ULK4: variants seen among roughly 807,000 people sequenced by gnomAD.
ULK4 encodes the protein inactive serine/threonine-protein kinase ULK4.
ULK4 carries 133 observed loss-of-function variants against 160.6 expected under a neutral mutation model. The observed-to-expected ratio is 0.83, with a 90% confidence interval of 0.72 to 0.96. ULK4 has a LOEUF of 0.96. Among genes scored for constraint, ULK4 ranks in the 40% least tolerant of loss-of-function variants. ULK4 has a pLI of 0.00. For missense variants in ULK4, 1,580 were observed against 1,499.5 expected, an observed-to-expected ratio of 1.05 and a Z score of -0.89; for synonymous variants, 534 against 539.8, an observed-to-expected ratio of 0.99 and a Z score of 0.15.
At position 41,681,753 on chromosome 3, in the gene ULK4, C is replaced by T. The variant is rs147732245; in HGVS notation, c.2833G>A (p.Val945Met). 2 of 1,614,018 alleles carry T rather than the reference C, an allele frequency of 1.2e-6. No individual in the cohort carries two copies. The highest frequency in any genetic ancestry group is 4.5e-5 in the East Asian group (2 of 44,876). ...PLVSLVQSQNVEWRLFSLRLL... is the reference protein window; with the variant it reads ...PLVSLVQSQNMEWRLFSLRLL... ...TTCTTGCTGGTGTCATCACACTTAC[C>T]ATTTTGGCTTTGAACCAAGGACACC... The change falls in exon 28 of 37, where the codon GTG becomes ATG. Residue 945 changes from valine to methionine, a missense_variant and splice_region_variant. Transcript: ENST00000301831.
intron 35 of ULK4, among the ~76,000 whole-genome samples, chr3:41,336,290 C>A (rs1263579944): frequency 6.6e-6 from 1 of 152,222 alleles, no homozygotes; most frequent in East Asian, 1.9e-4. Context: ...GGGAAAATAA[C>A]ATGCAGCAAA....
intron 34 of ULK4, among the ~76,000 whole-genome samples, chr3:41,424,535 C>T (rs1218719878): frequency 6.6e-6 from 1 of 152,100 alleles, no homozygotes; most frequent in African/African-American, 2.4e-5. Context: ...TAGGTTGGTG[C>T]ACCTCTGGGA....
intron 34 of ULK4, among the ~76,000 whole-genome samples, chr3:41,400,690 A>G (rs1461211133): frequency 6.6e-6 from 1 of 152,190 alleles, no homozygotes; most frequent in South Asian, 2.1e-4. Context: ...TAAATGCCCA[A>G]GAGTACAATG....
intron 35 of ULK4, among the ~76,000 whole-genome samples, chr3:41,375,253 T>G (rs1178350630): frequency 3.3e-5 from 5 of 152,162 alleles, no homozygotes; most frequent in African/African-American, 9.7e-5. Flanking sequence ...AAACTACCAC[T>G]GACTTTCTTC....
At chr3:41,676,345 T>A (rs139505761) in intron 29 of ULK4, among the ~76,000 whole-genome samples, 3 of 152,274 alleles carry the variant, frequency 2.0e-5, no homozygotes, top group Admixed American at 2.0e-4. Flanking sequence ...GAAAGAGCAC[T>A]AGAGCTCAGA....
At chr3:41,739,626 G>C (rs6787883) in intron 22 of ULK4, among the ~76,000 whole-genome samples, 2 of 151,754 alleles carry the variant, frequency 1.3e-5, no homozygotes, top group Non-Finnish European at 2.9e-5. Flanking sequence ...AAAGTACATG[G>C]GTAGGCTTCT....
intron 20 of ULK4, among the ~76,000 whole-genome samples, chr3:41,797,250 T>C (rs982272049): frequency 1.3e-5 from 2 of 151,826 alleles, no homozygotes; most frequent in African/African-American, 2.4e-5. Flanking sequence ...CAAAAGAATA[T>C]GCAACAGAGA....
chr3:41,784,139 A>G (rs1428884508), intron 21 of ULK4, among the ~76,000 whole-genome samples: 1 of 152,152 alleles, frequency 6.6e-6, no homozygotes, highest in Non-Finnish European at 1.5e-5. Context: ...CAATAGTTCA[A>G]AAAGTTTCCT....
chr3:41,629,399 C>T (rs527919397), intron 30 of ULK4, among the ~76,000 whole-genome samples: 91 of 152,182 alleles, frequency 6.0e-4, no homozygotes, highest in Admixed American at 1.6e-3. Flanking sequence ...CCTCTCTCTG[C>T]ATGATAGCTG....
intron 31 of ULK4, among the ~76,000 whole-genome samples, chr3:41,570,822 C>T (rs1434936358): frequency 4.6e-5 from 7 of 152,068 alleles, no homozygotes; most frequent in Admixed American, 6.6e-5. Context: ...AATCAGGTCC[C>T]GGGACCCCCT....
At chr3:41,571,201 T>C (rs2087959362) in intron 31 of ULK4, among the ~76,000 whole-genome samples, 1 of 152,232 alleles carries the variant, frequency 6.6e-6, no homozygotes, top group Non-Finnish European at 1.5e-5. Flanking sequence ...CAGGTATATA[T>C]GCCTTCTTGC....
chr3:41,927,855 G>T (rs1244944104), intron 5 of ULK4, among the ~76,000 whole-genome samples: 1 of 151,656 alleles, frequency 6.6e-6, no homozygotes, highest in African/African-American at 2.4e-5. Context: ...GATTCATAAA[G>T]CAAGTTCTTA....
At chr3:41,563,080 C>T (rs1281325220) in intron 32 of ULK4, among the ~76,000 whole-genome samples, 5 of 152,142 alleles carry the variant, frequency 3.3e-5, no homozygotes, top group Non-Finnish European at 7.3e-5. Flanking sequence ...TCAGCATTTG[C>T]TTGTCTGTAA....
chr3:41,758,858 G>C (rs2038891631), intron 21 of ULK4, among the ~76,000 whole-genome samples: 1 of 149,004 alleles, frequency 6.7e-6, no homozygotes. Flanking sequence ...GGGCGACAGA[G>C]CAAGACTCCA....
At chr3:41,417,095 C>T (rs1285981741) in intron 34 of ULK4, among the ~76,000 whole-genome samples, 1 of 152,142 alleles carries the variant, frequency 6.6e-6, no homozygotes, top group African/African-American at 2.4e-5. Context: ...CCTGGAAGCC[C>T]ACTCTCTTCT....
At chr3:41,427,044 G>T (rs1411918332) in intron 34 of ULK4, among the ~76,000 whole-genome samples, 2 of 151,972 alleles carry the variant, frequency 1.3e-5, no homozygotes, top group African/African-American at 4.8e-5. Context: ...AAAGAGAGTT[G>T]AATCAAATAG....
intron 17 of ULK4, among the ~76,000 whole-genome samples, chr3:41,882,759 G>A (rs1697570312): frequency 6.6e-6 from 1 of 152,088 alleles, no homozygotes; most frequent in Admixed American, 6.6e-5. Context: ...ACTTTGTCTT[G>A]GACTTTAAGT....
chr3:41,653,165 C>T (rs1462843333), intron 30 of ULK4, among the ~76,000 whole-genome samples: 1 of 152,138 alleles, frequency 6.6e-6, no homozygotes, highest in African/African-American at 2.4e-5. Context: ...CCCACAACCA[C>T]CTCCGTTACT....
At chr3:41,481,333 C>G (rs760353896) in intron 32 of ULK4, among the ~76,000 whole-genome samples, 3 of 152,140 alleles carry the variant, frequency 2.0e-5, no homozygotes, top group Non-Finnish European at 2.9e-5. Flanking sequence ...GGCAGAGAAA[C>G]AGTGAAGTTC....
Sources: gnomAD v4.1 joint callset for allele counts (sites outside exome capture counted in the v4.1 genomes callset) on GRCh38, gnomAD v4.1.1 for gene constraint, MANE v1.5 for transcripts, NCBI Gene and HGNC (gene_info 2026-07-23, HGNC 2026-07-21) for gene names.